The following TPST2 variants were observed in gnomAD, a reference collection of about 807,000 sequenced individuals.
TPST2 encodes the protein tyrosylprotein sulfotransferase 2.
Under a neutral mutation model 27.8 loss-of-function variants are expected in TPST2, and 16 were observed. That is an observed-to-expected ratio of 0.58 (90% CI 0.39 to 0.88). The LOEUF (loss-of-function observed/expected upper bound fraction) is 0.88, where lower values mean the gene tolerates loss of function less well. TPST2 is among the 40% of genes least tolerant of loss of function. TPST2 has a pLI of 0.00. For missense variants in TPST2, 464 were observed against 543.1 expected (o/e 0.85, Z 1.45); for synonymous variants, 229 against 231.7 (o/e 0.99, Z 0.10).
At chr22:26,581,406 G>A (rs1266925844) in intron 1 of TPST2, among the ~76,000 whole-genome samples, 2 of 152,194 alleles carry the variant, frequency 1.3e-5, no homozygotes, top group African/African-American at 4.8e-5. Flanking sequence ...AGCACAGGGT[G>A]CACAGGTATT....
intron 1 of TPST2, among the ~76,000 whole-genome samples, 161 bp downstream of exon 1, chr22:26,589,892 G>A (rs1265582016): frequency 6.6e-6 from 1 of 151,908 alleles, no homozygotes; most frequent in Non-Finnish European, 1.5e-5. Flanking sequence ...CTGCCTCCCA[G>A]ATCCCAGCTC....
In TPST2 at chr22:26,561,230, C is replaced by T. The variant is rs1927075905; in HGVS notation, c.-160-16555G>A. 13 of 1,511,790 alleles carry T rather than the reference C, an allele frequency of 8.6e-6. 1 individual carries two copies. The Middle Eastern group carries it at 7.5e-4, about 88-fold the overall frequency. 93.6% of individuals were successfully genotyped at this position (1,511,790 alleles called of 1,614,324 possible). ...TAACCCCCCTGTACACAACTCACTC[C>T]TTTTAAAGAAAAAAATTGAAATGTA... is the stretch of plus-strand genomic sequence containing the variant. On this transcript the variant is annotated intron_variant, in intron 1 of 6. Coordinates refer to ENST00000338754, the MANE Select transcript of TPST2 (RefSeq NM_003595.5).
intron 1 of TPST2, among the ~76,000 whole-genome samples, chr22:26,586,101 G>C (rs555848050): frequency 4.6e-5 from 7 of 152,008 alleles, no homozygotes; most frequent in Admixed American, 1.3e-4. Flanking sequence ...CGATCCCAAG[G>C]CACCACCACA....
intron 1 of TPST2, among the ~76,000 whole-genome samples, chr22:26,572,724 C>G (rs1294244095): frequency 6.6e-6 from 1 of 152,124 alleles, no homozygotes; most frequent in East Asian, 1.9e-4. Flanking sequence ...TTCTGTTTCC[C>G]ATATTCCACT....
chr22:26,530,167 G>C (rs1249616813), intron 5 of TPST2, among the ~76,000 whole-genome samples: 1 of 152,084 alleles, frequency 6.6e-6, no homozygotes, highest in Admixed American at 6.6e-5. Flanking sequence ...TAAGAGACAG[G>C]GGCTCCAGCG....
At chr22:26,574,522 T>C (rs1478195878) in intron 1 of TPST2, among the ~76,000 whole-genome samples, 1 of 152,038 alleles carries the variant, frequency 6.6e-6, no homozygotes, top group Admixed American at 6.6e-5. Context: ...ACACAAAAGA[T>C]AAAGATACTG....
intron 1 of TPST2, among the ~76,000 whole-genome samples, chr22:26,585,959 C>A (rs1928329208): frequency 6.6e-6 from 1 of 152,238 alleles, no homozygotes; most frequent in Admixed American, 6.5e-5. Context: ...AGGAGAATGG[C>A]GTGAACCCGG....
chr22:26,579,117 G>A (rs1927986273), intron 1 of TPST2, among the ~76,000 whole-genome samples: 1 of 152,164 alleles, frequency 6.6e-6, no homozygotes, highest in Admixed American at 6.5e-5. Flanking sequence ...TGGCCTCCCA[G>A]AGTGCTGGGA....
At chr22:26,583,726 G>A (rs1219426368) in intron 1 of TPST2, among the ~76,000 whole-genome samples, 2 of 152,086 alleles carry the variant, frequency 1.3e-5, no homozygotes, top group East Asian at 3.9e-4. Flanking sequence ...TGTAATCCCA[G>A]CTACTTGGGA....
At chr22:26,552,993 G>A (rs893765170) in intron 1 of TPST2, among the ~76,000 whole-genome samples, 2 of 149,824 alleles carry the variant, frequency 1.3e-5, no homozygotes, top group Non-Finnish European at 3.0e-5. Flanking sequence ...CCGGGAGGCG[G>A]AGGTTGCAGT....
chr22:26,548,652 G>A (rs1289548442), intron 1 of TPST2, among the ~76,000 whole-genome samples: 1 of 151,956 alleles, frequency 6.6e-6, no homozygotes, highest in East Asian at 1.9e-4. Flanking sequence ...TTAGTATGAT[G>A]CAAATATTCC....
At chr22:26,537,338 G>A (rs113757922) in intron 3 of TPST2, among the ~76,000 whole-genome samples, 8,879 of 152,204 alleles carry the variant, frequency 0.058, 306 homozygotes, top group Middle Eastern at 0.082. Flanking sequence ...CACCTCTCTG[G>A]GCCTCAGTTT....
At chr22:26,536,743 T>A (rs1447367771) in intron 3 of TPST2, among the ~76,000 whole-genome samples, 2 of 152,166 alleles carry the variant, frequency 1.3e-5, no homozygotes, top group African/African-American at 4.8e-5. Context: ...TACATTCTGC[T>A]TTCTTCTCCA....
intron 3 of TPST2, among the ~76,000 whole-genome samples, chr22:26,537,837 C>T (rs1450413301): frequency 2.6e-5 from 4 of 152,140 alleles, no homozygotes; most frequent in South Asian, 2.1e-4. Context: ...CACAAACGCG[C>T]GTCTGCAGCT....
At position 26,590,038 on chromosome 22, in the gene TPST2, C is replaced by T. The variant is rs1928495658; in HGVS notation, c.-161+15G>A. 6.6e-6 allele frequency: 1 copy of T among 151,806 alleles called. No homozygotes were observed. Among genetic ancestry groups the T allele is most frequent in the South Asian group, 2.1e-4 (1 of 4,840 alleles). 9.4% of individuals were successfully genotyped at this position (151,806 alleles called of 1,614,324 possible). The stretch of plus-strand genomic sequence containing the variant: ...GCAACCCGAGGCCACCCCCTGCCGC[C>T]CCAGGGCCACCTACCGTGGCGAGAC... On this transcript the variant is annotated intron_variant, in intron 1 of 6. Transcript: ENST00000338754.
At position 26,541,783 on chromosome 22, in the gene TPST2, C is replaced by G; in HGVS notation, c.-88-65G>C. The G allele has an allele frequency of 7.2e-7, 1 of 1,384,028 alleles. No homozygotes were observed. Among genetic ancestry groups the G allele is most frequent in the Non-Finnish European group, 9.5e-7 (1 of 1,056,526 alleles). The allele number at this position is 1,384,028 out of a possible 1,614,324, so 85.7% of individuals were successfully genotyped here. A position where few individuals can be genotyped will look rare whatever the true frequency, so the allele number is the denominator to read the frequency against. On this transcript the variant is annotated intron_variant, in intron 2 of 6. Transcript: ENST00000338754. This position sits in a 1 kb window ranked among gnomAD's most constrained non-coding sequence, Gnocchi z 5.9. ...TGAGCTGTGAGCTCTCCAATAACTG[C>G]AAAGCCCTATAACTGCAAACAAGAG...
chr22:26,571,391 C>T (rs1439640909), intron 1 of TPST2, among the ~76,000 whole-genome samples: 1 of 152,166 alleles, frequency 6.6e-6, no homozygotes, highest in East Asian at 1.9e-4. Flanking sequence ...CAACCTGCCC[C>T]GCCAACACGG....
At chr22:26,577,351 CT>C (rs546973106) in intron 1 of TPST2, among the ~76,000 whole-genome samples, 56 of 143,664 alleles carry the variant, frequency 3.9e-4, no homozygotes, top group African/African-American at 3.6e-4. Context: ...AATATTTGCT[CT>C]TTTTTTTTTT....
At chr22:26,573,409 G>A (rs189692341) in intron 1 of TPST2, among the ~76,000 whole-genome samples, 3 of 152,198 alleles carry the variant, frequency 2.0e-5, no homozygotes, top group East Asian at 1.9e-4. Context: ...CCAACAATGC[G>A]GATTTGAGTT....
Sources: allele counts gnomAD v4.1 joint callset (sites outside exome capture counted in the v4.1 genomes callset), GRCh38; gene constraint gnomAD v4.1.1; non-coding constraint Gnocchi (gnomAD v3.1); transcripts MANE v1.5; gene names NCBI Gene and HGNC (gene_info 2026-07-23, HGNC 2026-07-21).